Variants in AGBL4 observed in about 807,000 individuals in gnomAD.
AGBL4 encodes the protein AGBL carboxypeptidase 4.
AGBL4 carries 58 observed loss-of-function variants against 66.4 expected under a neutral mutation model. The observed-to-expected ratio is 0.87, with a 90% CI of 0.71 to 1.09. AGBL4 has a LOEUF of 1.09. Ranked by LOEUF, AGBL4 falls within the 50% of genes least tolerant of loss-of-function variation. The pLI, the probability that AGBL4 is intolerant of heterozygous loss-of-function variation, is 0.00. For synonymous variants in AGBL4, 234 were observed against 222.9 expected (o/e 1.05, Z -0.44); for missense variants, 579 against 631.0 (o/e 0.92, Z 0.88).
chr1:48,719,316 A>C (rs10888617), intron 6 of AGBL4, among the ~76,000 whole-genome samples: 63,857 of 152,006 alleles, frequency 0.42, 14,712 homozygotes, highest in Non-Finnish European at 0.54. Flanking sequence ...CCCCATCTGC[A>C]CCATTGCATT....
At position 49,008,891 on chromosome 1, in the gene AGBL4, A is replaced by C. The variant is rs1043014240; in HGVS notation, c.594+36693T>G. On this transcript the variant is annotated intron_variant, in intron 5 of 13. Transcript: ENST00000371839. ...GCATTCAGAGGAGTGTGTAGAGGGA[A>C]ATTTATAGCACTAAATGCCCACAAG... 2.4e-4 allele frequency among the ~76,000 whole-genome samples: 37 copies of C among 152,148 alleles called. 1 individual carries two copies. Among genetic ancestry groups the C allele is most frequent in the African/African-American group, 8.9e-4 (37 of 41,534 alleles).
chr1:48,888,126 A>G (rs1650552624), intron 5 of AGBL4, among the ~76,000 whole-genome samples: 1 of 152,182 alleles, frequency 6.6e-6, no homozygotes, highest in African/African-American at 2.4e-5. Flanking sequence ...CATAAACAGC[A>G]CAAGCAACTC....
At chr1:48,938,179 T>A (rs1340663525) in intron 5 of AGBL4, among the ~76,000 whole-genome samples, 1 of 152,214 alleles carries the variant, frequency 6.6e-6, no homozygotes, top group Non-Finnish European at 1.5e-5. Context: ...CCAAAATGTT[T>A]GGGCCTTATG....
rs150960766 is a variant in AGBL4 at position 49,200,004 on chromosome 1, C to T, written c.377+45766G>A. On this transcript the variant is annotated intron_variant, in intron 4 of 13. Coordinates refer to ENST00000371839, the MANE Select transcript of AGBL4 (RefSeq NM_032785.4). ...GCAGATATGACAAGCTCTGGTGAAA[C>T]GCTAAAAAAGCAGCCTCCTTAGAAG... Among the ~76,000 whole-genome samples the T allele has an allele frequency of 3.0e-3, 458 of 152,220 alleles. 3 individuals carry two copies. The highest frequency in any genetic ancestry group is 0.027 in the South Asian group (128 of 4,820).
At chr1:48,845,934 A>G (rs1032304695) in intron 6 of AGBL4, among the ~76,000 whole-genome samples, 7 of 152,202 alleles carry the variant, frequency 4.6e-5, no homozygotes, top group Admixed American at 4.6e-4. Context: ...GCATGTAGGT[A>G]CTCATAAGTG....
At chr1:49,899,338 T>G (rs1460306642) in intron 1 of AGBL4, among the ~76,000 whole-genome samples, 1 of 152,036 alleles carries the variant, frequency 6.6e-6, no homozygotes, top group Non-Finnish European at 1.5e-5. Flanking sequence ...GTGATTATAG[T>G]CAATAATAAT....
intron 6 of AGBL4, among the ~76,000 whole-genome samples, chr1:48,822,951 A>G (rs7545104): frequency 0.98 from 148,790 of 152,334 alleles, 72,746 homozygotes; most frequent in East Asian, 1. Flanking sequence ...GACCTAATGA[A>G]TTTGAGAGAT....
intron 5 of AGBL4, among the ~76,000 whole-genome samples, chr1:48,957,630 C>T (rs1007198737): frequency 9.8e-5 from 15 of 152,352 alleles, no homozygotes; most frequent in African/African-American, 3.6e-4. Context: ...GCGTTATCCA[C>T]AAGGCTGTCC....
At chr1:48,980,718 AATATATATATATATATATATATAT>A (rs544711494) in intron 5 of AGBL4, among the ~76,000 whole-genome samples, 2,329 of 92,118 alleles carry the variant, frequency 0.025, 58 homozygotes, top group Admixed American at 0.049. Flanking sequence ...GTAAAGAAGA[AATATATATATATATATATATATAT>A]ATATATATAT....
At chr1:49,983,788 C>T (rs1210088777) in intron 1 of AGBL4, among the ~76,000 whole-genome samples, 2 of 152,178 alleles carry the variant, frequency 1.3e-5, no homozygotes, top group East Asian at 3.8e-4. Context: ...AACCATAGAT[C>T]AGTTATGCAT....
Position 49,593,382 on chromosome 1 carries a change from G to C in AGBL4, c.282+103931C>G, listed in dbSNP as rs538623044. Among the ~76,000 whole-genome samples, 183 of 152,256 alleles carry C rather than the reference G, an allele frequency of 1.2e-3. 2 individuals carry two copies. Among genetic ancestry groups the C allele is most frequent in the Non-Finnish European group, 1.9e-3 (132 of 68,026 alleles). On this transcript the variant is annotated intron_variant, in intron 3 of 13. Transcript: ENST00000371839. ...AGATCACACCACTGCACTCCAGCCTGGGTGACAGAGCAAGACTCTGTCTCA... is the reference window on the plus strand; with the variant it reads ...AGATCACACCACTGCACTCCAGCCTCGGTGACAGAGCAAGACTCTGTCTCA...
At chr1:49,448,932 G>C (rs1646218240) in intron 3 of AGBL4, among the ~76,000 whole-genome samples, 1 of 150,966 alleles carries the variant, frequency 6.6e-6, no homozygotes, top group African/African-American at 2.4e-5. Context: ...ATTTAAGACT[G>C]AAGTATGTTA....
chr1:48,656,742 A>G (rs1244849808), intron 7 of AGBL4, among the ~76,000 whole-genome samples: 2 of 152,182 alleles, frequency 1.3e-5, no homozygotes, highest in Non-Finnish European at 2.9e-5. Flanking sequence ...CAAATACTGC[A>G]TGTTCTCACT....
intron 9 of AGBL4, among the ~76,000 whole-genome samples, chr1:48,593,688 G>GT (rs1644951298): frequency 6.6e-6 from 1 of 151,974 alleles, no homozygotes; most frequent in Non-Finnish European, 1.5e-5. Context: ...GAGGTGGAGG[G>GT]TGCAGTGAGC....
At chr1:49,003,881 G>A (rs1661579942) in intron 5 of AGBL4, among the ~76,000 whole-genome samples, 1 of 152,092 alleles carries the variant, frequency 6.6e-6, no homozygotes, top group Non-Finnish European at 1.5e-5. Context: ...ACCCAAACAG[G>A]AGCCATTGCT....
intron 11 of AGBL4, among the ~76,000 whole-genome samples, chr1:48,566,279 G>A (rs977587626): frequency 3.9e-5 from 6 of 152,120 alleles, no homozygotes; most frequent in African/African-American, 1.4e-4. Context: ...TCTTCACAAT[G>A]TTTTCCCTGT....
At chr1:49,029,213 G>A (rs1450493035) in intron 5 of AGBL4, among the ~76,000 whole-genome samples, 2 of 151,994 alleles carry the variant, frequency 1.3e-5, no homozygotes, top group Non-Finnish European at 2.9e-5. Flanking sequence ...ATCCATAATG[G>A]CCCAGGTAAT....
chr1:49,743,512 A>G (rs1290193573), intron 2 of AGBL4, among the ~76,000 whole-genome samples: 5 of 152,186 alleles, frequency 3.3e-5, no homozygotes, highest in African/African-American at 1.2e-4. Context: ...TCAGGGATCT[A>G]GAACTAGAAA....
At chr1:49,325,419 C>T (rs1171942892) in intron 3 of AGBL4, among the ~76,000 whole-genome samples, 1 of 152,128 alleles carries the variant, frequency 6.6e-6, no homozygotes, top group Non-Finnish European at 1.5e-5. Flanking sequence ...CCATTAACTC[C>T]CCTCTACCTT....
Sources: gnomAD v4.1 joint callset for allele counts (sites outside exome capture counted in the v4.1 genomes callset) on GRCh38, gnomAD v4.1.1 for gene constraint, MANE v1.5 for transcripts, NCBI Gene and HGNC (gene_info 2026-07-23, HGNC 2026-07-21) for gene names.